The following RB1 variants were observed in gnomAD, a reference collection of about 807,000 sequenced individuals.
RB1 encodes the protein RB transcriptional corepressor 1, also known as retinoblastoma-associated protein.
A neutral mutation model predicts 135.4 loss-of-function variants in RB1; 18 were observed. The ratio of observed to expected loss-of-function variants is 0.13; its 90% CI spans 0.09 to 0.20. The LOEUF (loss-of-function observed/expected upper bound fraction) is 0.20. Ranked by LOEUF, RB1 falls within the 10% of genes least tolerant of loss-of-function variation. The probability of loss-of-function intolerance (pLI) is 1.00; values close to 1 mark genes in which losing one functional copy is unlikely to be tolerated. For missense variants in RB1, 868 were observed against 1,110.0 expected, an observed-to-expected ratio of 0.78 and a Z score of 3.10; for synonymous variants, 365 against 373.2, an observed-to-expected ratio of 0.98 and a Z score of 0.25.
chr13:48,345,652 G>A (rs1952486210), intron 4 of RB1, among the ~76,000 whole-genome samples: 1 of 152,118 alleles, frequency 6.6e-6, no homozygotes, highest in Non-Finnish European at 1.5e-5. Context: ...TACAGTTCGA[G>A]TAGGAGCATA....
At chr13:48,448,910 A>G (rs1004596346) in intron 17 of RB1, among the ~76,000 whole-genome samples, 1 of 152,232 alleles carries the variant, frequency 6.6e-6, no homozygotes, top group African/African-American at 2.4e-5. Flanking sequence ...ACTTCAAACT[A>G]GTAAACAAGA....
chr13:48,397,906 G>A (rs993572573), intron 17 of RB1, among the ~76,000 whole-genome samples: 32 of 152,128 alleles, frequency 2.1e-4, no homozygotes, highest in Admixed American at 1.6e-3. Context: ...TTTGTATGGT[G>A]GGTCATTAAC....
chr13:48,379,689 C>T (rs765434764), intron 14 of RB1, 39 bp downstream of exon 14: 12 of 1,581,548 alleles, frequency 7.6e-6, no homozygotes, highest in African/African-American at 2.7e-5. Context: ...CAGCCGGGCG[C>T]GGTGGCTCAC....
chr13:48,322,151 C>A (rs1593423611), intron 2 of RB1, among the ~76,000 whole-genome samples: 5 of 152,214 alleles, frequency 3.3e-5, no homozygotes, highest in Non-Finnish European at 7.4e-5. Context: ...TGAGATCATG[C>A]AATAATTTTC....
At chr13:48,317,708 C>CG (rs1566178454) in intron 2 of RB1, 2 of 519,612 alleles carry the variant, frequency 3.8e-6, no homozygotes, top group East Asian at 6.9e-5. Flanking sequence ...GCGGGAGCAG[C>CG]GGGGAGCCCC....
intron 24 of RB1, among the ~76,000 whole-genome samples, chr13:48,474,206 G>A (rs1235944103): frequency 6.6e-6 from 1 of 151,962 alleles, no homozygotes; most frequent in Non-Finnish European, 1.5e-5. Context: ...CATTATATAG[G>A]CATAATTGAT....
intron 2 of RB1, among the ~76,000 whole-genome samples, chr13:48,335,894 G>A (rs537873128): frequency 6.6e-6 from 1 of 152,178 alleles, no homozygotes; most frequent in South Asian, 2.1e-4. Flanking sequence ...GATGAGGGCT[G>A]TAGGAGTGGA....
At chr13:48,339,062 G>T (rs1481985050) in intron 2 of RB1, among the ~76,000 whole-genome samples, 1 of 152,164 alleles carries the variant, frequency 6.6e-6, no homozygotes, top group African/African-American at 2.4e-5. Flanking sequence ...ACTCAGCTGC[G>T]TGTGGTGTTA....
intron 12 of RB1, among the ~76,000 whole-genome samples, chr13:48,375,576 TTA>T (rs755028128): frequency 4.0e-5 from 6 of 149,876 alleles, no homozygotes; most frequent in Admixed American, 1.3e-4. Flanking sequence ...TTATTTTTAT[TTA>T]TATATATATA....
At position 48,349,169 on chromosome 13, in the gene RB1, A is replaced by G. The variant is rs180962798; in HGVS notation, c.607+146A>G. The G allele has an allele frequency of 9.6e-4, 767 of 799,066 alleles. 7 individuals carry two copies. The African/African-American group carries it at 0.012, about 13-fold the overall frequency. 49.5% of individuals were successfully genotyped at this position (799,066 alleles called of 1,614,324 possible). ...GCTTATTAACTGTTAGCAAGTTCCT[A>G]TAATTCTGGTACTAGAAACAACCTT... On this transcript the variant is annotated intron_variant, in intron 6 of 26. Coordinates refer to ENST00000267163, the MANE Select transcript of RB1 (RefSeq NM_000321.3).
chr13:48,345,289 A>C (rs531145220), intron 4 of RB1, 90 bp downstream of exon 4: 1 of 1,395,890 alleles, frequency 7.2e-7, no homozygotes, highest in African/African-American at 1.4e-5. Context: ...ACATTTAGTA[A>C]AGTTAGTAAG....
intron 6 of RB1, among the ~76,000 whole-genome samples, chr13:48,359,288 G>T (rs1327611605): frequency 5.9e-5 from 9 of 151,418 alleles, no homozygotes; most frequent in Non-Finnish European, 1.0e-4. Flanking sequence ...AGATTTTATG[G>T]TGAACAATTA....
At chr13:48,411,445 G>T in intron 17 of RB1, 1 of 1,613,228 alleles carries the variant, frequency 6.2e-7, no homozygotes, top group East Asian at 2.2e-5. Context: ...AGGTTATGCT[G>T]AATAAAATTC....
At chr13:48,467,288 A>G (rs1463613656) in intron 23 of RB1, among the ~76,000 whole-genome samples, 3,114 of 72,226 alleles carry the variant, frequency 0.043, no homozygotes, top group Middle Eastern at 0.11. Context: ...TCAACCCAGA[A>G]TTTCATATCC....
intron 17 of RB1, among the ~76,000 whole-genome samples, chr13:48,428,471 G>A (rs1438813130): frequency 6.6e-6 from 1 of 151,994 alleles, no homozygotes; most frequent in African/African-American, 2.4e-5. Flanking sequence ...CCAGCATTGG[G>A]GATCACATTT....
rs752679968 is a variant in RB1, at chr13:48,373,483, C to G, written c.1206C>G (p.Ser402=). 1 of 1,566,696 alleles carries G rather than the reference C, an allele frequency of 6.4e-7. No homozygotes were observed. Among genetic ancestry groups the G allele is most frequent in the Admixed American group, 1.7e-5 (1 of 59,896 alleles). The part of the protein sequence containing the change: ...ASDQPSENLI[S]YFNNCTVNPK... ...ATCAACCTTCAGAAAATCTGATTTC[C>G]TATTTTAACGTAAGCCATATATGAA... The change falls in exon 12 of 27, where the codon TCC becomes TCG. Residue 402 remains serine (S), a synonymous_variant. Coordinates refer to ENST00000267163, the MANE Select transcript of RB1 (RefSeq NM_000321.3).
At chr13:48,403,997 T>C (rs1485745113) in intron 17 of RB1, among the ~76,000 whole-genome samples, 1 of 152,014 alleles carries the variant, frequency 6.6e-6, no homozygotes, top group African/African-American at 2.4e-5. Flanking sequence ...TGAGACACTG[T>C]CTCAAAGAAA....
intron 17 of RB1, among the ~76,000 whole-genome samples, chr13:48,448,056 G>T (rs189919329): frequency 3.3e-4 from 50 of 152,224 alleles, no homozygotes; most frequent in Admixed American, 1.7e-3. Flanking sequence ...TTGTTTGAAA[G>T]AAAAATTGGT....
At chr13:48,443,853 T>G (rs555464325) in intron 17 of RB1, among the ~76,000 whole-genome samples, 1 of 152,346 alleles carries the variant, frequency 6.6e-6, no homozygotes, top group East Asian at 1.9e-4. Flanking sequence ...ACATTTTTGT[T>G]GATGACATGC....
Sources: gnomAD v4.1 joint callset for allele counts (sites outside exome capture counted in the v4.1 genomes callset) on GRCh38, gnomAD v4.1.1 for gene constraint, MANE v1.5 for transcripts, NCBI Gene and HGNC (gene_info 2026-07-23, HGNC 2026-07-21) for gene names.